The following BICD1 variants were observed in gnomAD, a reference collection of about 807,000 sequenced individuals.
BICD1 encodes BICD cargo adaptor 1, also known as protein bicaudal D homolog 1.
A neutral mutation model predicts 92.5 loss-of-function variants in BICD1; 35 were observed. That is an observed-to-expected ratio of 0.38 (90% CI 0.29 to 0.50). The LOEUF (loss-of-function observed/expected upper bound fraction) is 0.50. Ranked by LOEUF, BICD1 falls within the 20% of genes least tolerant of loss-of-function variation. The pLI is 0.93. For missense variants in BICD1, 950 were observed against 1,189.8 expected, an observed-to-expected ratio of 0.80 and a Z score of 2.97; for synonymous variants, 429 against 465.1, an observed-to-expected ratio of 0.92 and a Z score of 1.00.
intron 4 of BICD1, among the ~76,000 whole-genome samples, chr12:32,306,476 C>T (rs1565658440): frequency 6.6e-6 from 1 of 152,092 alleles, no homozygotes; most frequent in Non-Finnish European, 1.5e-5. Context: ...GATCTCCTGA[C>T]TTCGTGATCC....
chr12:32,108,337 G>A (rs1219159204), intron 1 of BICD1: 1 of 229,828 alleles, frequency 4.4e-6, no homozygotes, highest in East Asian at 9.3e-5. Context: ...GATGTATAAT[G>A]TCTCTTTAGT....
intron 1 of BICD1, among the ~76,000 whole-genome samples, chr12:32,123,782 C>T (rs1176605391): frequency 6.6e-6 from 1 of 151,850 alleles, no homozygotes; most frequent in Admixed American, 6.6e-5. Flanking sequence ...GGGGCTGAGC[C>T]AGGAGAATAG....
rs117984917 is a variant in BICD1, at chr12:32,270,256, C to T, written c.427-23738C>T. ...AAAATAATATAATAAGATGTATCTC[C>T]AAAATCTGAATCTAATGGTACTATA... is the stretch of plus-strand genomic sequence containing the variant. On this transcript the variant is annotated intron_variant, in intron 2 of 9. Transcript: ENST00000652176. 6.3e-4 allele frequency among the ~76,000 whole-genome samples: 96 copies of T among 151,826 alleles called. No homozygotes were observed. The East Asian group carries it at 0.018, about 29-fold the overall frequency.
intron 8 of BICD1, among the ~76,000 whole-genome samples, chr12:32,345,304 T>C (rs983747990): frequency 2.0e-5 from 3 of 150,918 alleles, no homozygotes; most frequent in African/African-American, 4.9e-5. Context: ...AGAAAAAATA[T>C]ATTAATTCAC....
At chr12:32,263,549 GAAA>G in intron 2 of BICD1, among the ~76,000 whole-genome samples, 1 of 99,318 alleles carries the variant, frequency 1.0e-5, no homozygotes, top group African/African-American at 3.5e-5. Context: ...ATCCCAAAAA[GAAA>G]AAAAAAAAAA....
chr12:32,252,215 T>G lies in BICD1; in HGVS notation c.426+35756T>G, dbSNP rs984326531. Among the ~76,000 whole-genome samples the G allele has an allele frequency of 1.2e-4, 16 of 134,002 alleles. No homozygotes were observed. The South Asian group carries it at 1.5e-3, about 13-fold the overall frequency. 87.9% of individuals were successfully genotyped at this position (134,002 alleles called of 152,430 possible). On this transcript the variant is annotated intron_variant, in intron 2 of 9. Coordinates refer to ENST00000652176, the MANE Select transcript of BICD1 (RefSeq NM_001714.4). ...CTATATATTTTATATATATTATATATCTTGTATATATTATATATATAACTT... is the reference window on the plus strand; with the variant it reads ...CTATATATTTTATATATATTATATAGCTTGTATATATTATATATATAACTT...
intron 2 of BICD1, among the ~76,000 whole-genome samples, chr12:32,226,743 C>G (rs1278767794): frequency 6.6e-6 from 1 of 152,168 alleles, no homozygotes; most frequent in Non-Finnish European, 1.5e-5. Context: ...AGTTGAGAAG[C>G]CCCTTCTAGA....
rs1261212736 is a variant in BICD1 at position 32,157,203 on chromosome 12, T to C, written c.213+49659T>C. 2.7e-5 allele frequency among the ~76,000 whole-genome samples: 4 copies of C among 150,498 alleles called. No homozygotes were observed. The East Asian group carries it at 7.7e-4, about 29-fold the overall frequency. On this transcript the variant is annotated intron_variant, in intron 1 of 9. Coordinates refer to ENST00000652176, the MANE Select transcript of BICD1 (RefSeq NM_001714.4). ...GTCTAGAAATTACTCTTGTCTATTA[T>C]AATTAAGTCCAGAGTCTTATTTTCA...
intron 1 of BICD1, among the ~76,000 whole-genome samples, chr12:32,215,200 T>G (rs1007539038): frequency 6.6e-6 from 1 of 152,060 alleles, no homozygotes; most frequent in East Asian, 1.9e-4. Flanking sequence ...CTGCATTCTA[T>G]CCTGGGTGGC....
chr12:32,145,459 G>A (rs778819674), intron 1 of BICD1, among the ~76,000 whole-genome samples: 2 of 152,150 alleles, frequency 1.3e-5, no homozygotes, highest in African/African-American at 2.4e-5. Flanking sequence ...ACTATGTTCA[G>A]CCCAGTTATT....
chr12:32,149,327 C>A (rs1419036989), intron 1 of BICD1, among the ~76,000 whole-genome samples: 1 of 152,150 alleles, frequency 6.6e-6, no homozygotes, highest in Non-Finnish European at 1.5e-5. Context: ...GCTGTATGTT[C>A]TTGCATCATT....
chr12:32,135,764 AC>A (rs1293240772), intron 1 of BICD1, among the ~76,000 whole-genome samples: 1 of 152,068 alleles, frequency 6.6e-6, no homozygotes, highest in Non-Finnish European at 1.5e-5. Context: ...GAGTTATCTC[AC>A]TATCTCTGTT....
chr12:32,260,621 C>A (rs1261786377), intron 2 of BICD1, among the ~76,000 whole-genome samples: 2 of 149,458 alleles, frequency 1.3e-5, no homozygotes, highest in African/African-American at 2.4e-5. Context: ...TCTATTCTAT[C>A]CTATTGTATT....
At chr12:32,342,380 G>A (rs961467271) in intron 8 of BICD1, among the ~76,000 whole-genome samples, 8 of 150,112 alleles carry the variant, frequency 5.3e-5, no homozygotes, top group African/African-American at 1.2e-4. Flanking sequence ...TCAGCCTCCC[G>A]AGTAGCTGGG....
At position 32,182,278 on chromosome 12, in the gene BICD1, C is replaced by CTTTTTTTTTTTTTTTTTTTT. The variant is rs759328721; in HGVS notation, c.214-33966_214-33947dup. Among the ~76,000 whole-genome samples, 46 of 81,420 alleles carry CTTTTTTTTTTTTTTTTTTTT rather than the reference C, an allele frequency of 5.6e-4. 2 individuals are homozygous for CTTTTTTTTTTTTTTTTTTTT. Among genetic ancestry groups the CTTTTTTTTTTTTTTTTTTTT allele is most frequent in the African/African-American group, 9.9e-4 (23 of 23,294 alleles). 53.4% of individuals were successfully genotyped at this position (81,420 alleles called of 152,430 possible). ...TTCTTTTTTCTTTCTTTCTTTCTTT[C>CTTTTTTTTTTTTTTTTTTTT]TTTTTTTTTTTTTTTTTTTTTTGAG... On this transcript the variant is annotated intron_variant, in intron 1 of 9. Coordinates refer to ENST00000652176, the MANE Select transcript of BICD1 (RefSeq NM_001714.4).
chr12:32,342,156 GTATATATATGTATATATATA>G, intron 8 of BICD1, among the ~76,000 whole-genome samples: 3 of 140,946 alleles, frequency 2.1e-5, no homozygotes, highest in South Asian at 4.6e-4. Context: ...ATATATGTGT[GTATATATATGTATATATATA>G]TGTGTGTATA....
intron 1 of BICD1, among the ~76,000 whole-genome samples, chr12:32,146,221 A>G (rs1329705869): frequency 6.6e-6 from 1 of 152,222 alleles, no homozygotes; most frequent in East Asian, 1.9e-4. Context: ...CACACTGTTA[A>G]CAATTACTGT....
intron 1 of BICD1, among the ~76,000 whole-genome samples, chr12:32,163,185 T>C (rs752807475): frequency 6.6e-6 from 1 of 152,068 alleles, no homozygotes; most frequent in Non-Finnish European, 1.5e-5. Flanking sequence ...CAACCCCAAA[T>C]TGAGAACGAT....
At chr12:32,249,052 T>C (rs7298257) in intron 2 of BICD1, among the ~76,000 whole-genome samples, 4,729 of 152,286 alleles carry the variant, frequency 0.031, 112 homozygotes, top group Non-Finnish European at 0.048. Context: ...GGTGTAAGCA[T>C]TTGTGGGGCG....
Sources: gnomAD v4.1 joint callset for allele counts (sites outside exome capture counted in the v4.1 genomes callset) on GRCh38, gnomAD v4.1.1 for gene constraint, MANE v1.5 for transcripts, NCBI Gene and HGNC (gene_info 2026-07-23, HGNC 2026-07-21) for gene names.